METTL15: variants seen among roughly 807,000 people sequenced by gnomAD.
METTL15 encodes 12S rRNA N(4)-cytidine methyltransferase METTL15.
METTL15 carries 34 observed loss-of-function variants against 38.3 expected under a neutral mutation model. The ratio of observed to expected loss-of-function variants is 0.89; its 90% CI spans 0.68 to 1.18. The LOEUF is 1.18. Ranked by LOEUF, METTL15 falls within the 50% of genes most tolerant of loss-of-function variation. METTL15 has a pLI of 0.00. For synonymous variants in METTL15, 162 were observed against 170.9 expected (o/e 0.95, Z 0.41); for missense variants, 438 against 498.4 (o/e 0.88, Z 1.15).
At chr11:28,226,357 T>C (rs1252891673) in intron 4 of METTL15, among the ~76,000 whole-genome samples, 3 of 151,990 alleles carry the variant, frequency 2.0e-5, no homozygotes, top group Non-Finnish European at 4.4e-5. Flanking sequence ...CATTGTTTTG[T>C]TTGTTTTCAG....
chr11:28,385,022 C>A lies in METTL15; in HGVS notation c.*358+22986C>A, dbSNP rs752259479. The stretch of plus-strand genomic sequence containing the variant: ...GGTTTCTTGTACATTTATTTAAGTT[C>A]CTTAAAGAAGCTTAATATTAGACTT... On this transcript the variant is annotated intron_variant and NMD_transcript_variant, in intron 5 of 7. Coordinates refer to the METTL15 transcript ENST00000532947. Among the ~76,000 whole-genome samples, 7 of 152,130 alleles carry A rather than the reference C, an allele frequency of 4.6e-5. No individual in the cohort carries two copies. The South Asian group carries it at 1.2e-3, about 27-fold the overall frequency.
At chr11:28,345,276 C>T (rs1849986757) in intron 3 of METTL15, among the ~76,000 whole-genome samples, 1 of 152,164 alleles carries the variant, frequency 6.6e-6, no homozygotes. Context: ...GCAACCTCCA[C>T]CTCCCAGGTT....
At chr11:28,321,704 G>A (rs1374431651) in intron 6 of METTL15, among the ~76,000 whole-genome samples, 3 of 151,958 alleles carry the variant, frequency 2.0e-5, no homozygotes, top group African/African-American at 4.8e-5. Flanking sequence ...GAATACGCAA[G>A]ATAATTTTGA....
chr11:28,283,988 C>T (rs1033203863), intron 4 of METTL15, among the ~76,000 whole-genome samples: 2 of 152,058 alleles, frequency 1.3e-5, no homozygotes, highest in African/African-American at 4.8e-5. Context: ...GAAAAGTGGG[C>T]ATGTAATCTG....
chr11:28,214,533 G>C (rs1340500052), intron 4 of METTL15, among the ~76,000 whole-genome samples: 1 of 152,110 alleles, frequency 6.6e-6, no homozygotes, highest in African/African-American at 2.4e-5. Context: ...TCAATGATAG[G>C]TTGATAAGCA....
chr11:28,328,206 C>G (rs1849700462), intron 6 of METTL15: 1 of 1,583,058 alleles, frequency 6.3e-7, no homozygotes, highest in Middle Eastern at 1.7e-4. Flanking sequence ...ATATGGACAT[C>G]ATGTTCCTGA....
intron 4 of METTL15, among the ~76,000 whole-genome samples, chr11:28,220,598 G>C (rs184354362): frequency 6.6e-6 from 1 of 152,110 alleles, no homozygotes. Context: ...ATTTGATCCC[G>C]TCATTATGAT....
chr11:28,190,966 A>G (rs1452705181), intron 3 of METTL15, among the ~76,000 whole-genome samples: 1 of 151,414 alleles, frequency 6.6e-6, no homozygotes, highest in Non-Finnish European at 1.5e-5. Context: ...ATTATACTGT[A>G]TAATGGAGTT....
intron 3 of METTL15, among the ~76,000 whole-genome samples, chr11:28,128,011 A>G (rs565366646): frequency 6.6e-6 from 1 of 152,262 alleles, no homozygotes; most frequent in South Asian, 2.1e-4. Context: ...AGTGTCAGGC[A>G]ACACCCACTT....
intron 6 of METTL15, among the ~76,000 whole-genome samples, chr11:28,449,505 G>A (rs1851101896): frequency 6.6e-6 from 1 of 152,200 alleles, no homozygotes; most frequent in Non-Finnish European, 1.5e-5. Context: ...GGCAACAAGA[G>A]CAAATCCATA....
At chr11:28,443,727 A>C (rs890121066) in intron 6 of METTL15, among the ~76,000 whole-genome samples, 2 of 152,172 alleles carry the variant, frequency 1.3e-5, no homozygotes, top group Non-Finnish European at 2.9e-5. Context: ...ACATGTGACA[A>C]ACCCATTAGG....
chr11:28,450,857 C>G (rs1398513272), intron 6 of METTL15, among the ~76,000 whole-genome samples: 2 of 152,154 alleles, frequency 1.3e-5, no homozygotes, highest in African/African-American at 4.8e-5. Context: ...TAAACATGTT[C>G]TAGGAGCCAA....
chr11:28,291,320 A>G (rs1311909731), intron 5 of METTL15, among the ~76,000 whole-genome samples: 2 of 152,152 alleles, frequency 1.3e-5, no homozygotes, highest in East Asian at 3.9e-4. Context: ...TGCTGGGATT[A>G]TAGGCGTGAG....
At chr11:28,216,799 A>C (rs1339541114) in intron 4 of METTL15, among the ~76,000 whole-genome samples, 1 of 145,800 alleles carries the variant, frequency 6.9e-6, no homozygotes, top group Non-Finnish European at 1.5e-5. Context: ...CCTATGAGTG[A>C]GAACATGCGG....
intron 6 of METTL15, among the ~76,000 whole-genome samples, chr11:28,328,965 AAGTCC>A (rs1465508481): frequency 5.3e-5 from 8 of 152,052 alleles, no homozygotes; most frequent in Non-Finnish European, 1.2e-4. Flanking sequence ...AATTTTGATG[AAGTCC>A]AGTTTATCTA....
chr11:28,132,822 A>C (rs886069787), intron 3 of METTL15, among the ~76,000 whole-genome samples: 6 of 152,134 alleles, frequency 3.9e-5, no homozygotes, highest in Non-Finnish European at 5.9e-5. Context: ...TATTTTCCCC[A>C]CTGCATTATA....
chr11:28,132,693 A>G (rs1043469635), intron 3 of METTL15, among the ~76,000 whole-genome samples: 5 of 152,140 alleles, frequency 3.3e-5, no homozygotes, highest in Admixed American at 2.0e-4. Flanking sequence ...AGCTTATGGT[A>G]TTACTACATT....
In METTL15 at chr11:28,461,765, A is replaced by T. The variant is rs187459150; in HGVS notation, c.*424+37401A>T. ...TTTTTGTGTAAGTTTATGGAGTACA[A>T]GAGAAGATTTGTGACATGTATATAT... On this transcript the variant is annotated intron_variant and NMD_transcript_variant, in intron 6 of 7. Transcript: ENST00000532947. Among the ~76,000 whole-genome samples the T allele has an allele frequency of 7.2e-5, 11 of 152,178 alleles. No individual in the cohort carries two copies. In the East Asian group the frequency reaches 1.5e-3, roughly 21 times the overall value.
chr11:28,246,740 T>C (rs1282654511), intron 4 of METTL15, among the ~76,000 whole-genome samples: 2 of 152,132 alleles, frequency 1.3e-5, no homozygotes, highest in African/African-American at 4.8e-5. Flanking sequence ...CATCTCCTAC[T>C]AAGGTATATT....
Sources: gnomAD v4.1 joint callset for allele counts (sites outside exome capture counted in the v4.1 genomes callset) on GRCh38, gnomAD v4.1.1 for gene constraint, MANE v1.5 for transcripts, NCBI Gene and HGNC (gene_info 2026-07-23, HGNC 2026-07-21) for gene names.